Variants in BACH2 observed in about 807,000 individuals in gnomAD.
BACH2 encodes the protein transcription regulator protein BACH2.
BACH2 carries 5 observed loss-of-function variants against 61.8 expected under a neutral mutation model. The observed-to-expected ratio is 0.08, with a 90% CI of 0.04 to 0.17. The LOEUF (loss-of-function observed/expected upper bound fraction) is 0.17, where lower values mean the gene tolerates loss of function less well. BACH2 is among the 10% of genes least tolerant of loss of function. BACH2 has a pLI of 1.00. For synonymous variants in BACH2, 446 were observed against 440.1 expected, an observed-to-expected ratio of 1.01 and a Z score of -0.17; for missense variants, 824 against 1,091.1, an observed-to-expected ratio of 0.76 and a Z score of 3.45.
chr6:89,971,407 G>T (rs781366614), intron 6 of BACH2, among the ~76,000 whole-genome samples: 4 of 152,144 alleles, frequency 2.6e-5, no homozygotes, highest in Non-Finnish European at 4.4e-5. Context: ...ACTTTGCATG[G>T]TTCTATTGTG....
chr6:90,262,162 C>A (rs1479486752), intron 2 of BACH2, among the ~76,000 whole-genome samples: 1 of 152,320 alleles, frequency 6.6e-6, no homozygotes, highest in East Asian at 1.9e-4. Flanking sequence ...TCCTCCACTA[C>A]CTTCTCCATG....
chr6:90,094,861 T>TACACACAC (rs111697212), intron 4 of BACH2, among the ~76,000 whole-genome samples: 1,680 of 150,772 alleles, frequency 0.011, 25 homozygotes, highest in African/African-American at 0.038. Flanking sequence ...TCCACAACTA[T>TACACACAC]ACACACACAC....
At chr6:89,971,941 G>A (rs191234852) in intron 6 of BACH2, among the ~76,000 whole-genome samples, 99 of 152,308 alleles carry the variant, frequency 6.5e-4, no homozygotes, top group Non-Finnish European at 1.1e-3. Context: ...ATGTCACAGG[G>A]GAAGTACAGC....
intron 3 of BACH2, among the ~76,000 whole-genome samples, chr6:90,249,319 T>C (rs865987970): frequency 1.3e-5 from 2 of 152,174 alleles, no homozygotes; most frequent in Non-Finnish European, 2.9e-5. Flanking sequence ...ATGATGTAGC[T>C]TCCTGTCATC....
chr6:89,962,542 A>G (rs1297482807), intron 6 of BACH2, among the ~76,000 whole-genome samples: 7 of 152,164 alleles, frequency 4.6e-5, no homozygotes, highest in Non-Finnish European at 1.0e-4. Context: ...ATGTTCCCAT[A>G]GTTGTTCGTG....
intron 4 of BACH2, among the ~76,000 whole-genome samples, chr6:90,103,086 A>C (rs751778664): frequency 8.0e-6 from 1 of 124,494 alleles, no homozygotes; most frequent in Non-Finnish European, 1.6e-5. Context: ...TCAAAAACTG[A>C]TTTCTAGCCA....
intron 5 of BACH2, among the ~76,000 whole-genome samples, chr6:90,048,442 G>A (rs1030240289): frequency 2.6e-5 from 4 of 152,142 alleles, no homozygotes; most frequent in Admixed American, 6.5e-5. Context: ...GGTATTTCAC[G>A]CTTGTTTCAA....
intron 2 of BACH2, among the ~76,000 whole-genome samples, chr6:90,255,079 T>G (rs1345202485): frequency 1.3e-5 from 2 of 152,188 alleles, no homozygotes; most frequent in Admixed American, 1.3e-4. Context: ...CCCACATAAA[T>G]AATACAAATC....
intron 1 of BACH2, among the ~76,000 whole-genome samples, chr6:90,293,901 T>C (rs528611886): frequency 1.0e-3 from 156 of 152,192 alleles, no homozygotes; most frequent in Non-Finnish European, 2.0e-3. Context: ...CAGCCAGAGG[T>C]GAGCTACTGG....
chr6:90,261,405 T>A (rs1771153224), intron 2 of BACH2, among the ~76,000 whole-genome samples: 1 of 152,222 alleles, frequency 6.6e-6, no homozygotes, highest in Non-Finnish European at 1.5e-5. Context: ...TGACAACTCT[T>A]GCTCTCCTTC....
intron 6 of BACH2, chr6:90,001,254 A>G (rs1777119072): frequency 2.0e-5 from 3 of 152,292 alleles, no homozygotes; most frequent in Non-Finnish European, 4.4e-5. Flanking sequence ...CTGTGCTAAC[A>G]GATAAAACAC....
intron 5 of BACH2, among the ~76,000 whole-genome samples, chr6:90,053,481 T>A (rs189723602): frequency 6.6e-6 from 1 of 152,158 alleles, no homozygotes; most frequent in East Asian, 1.9e-4. Flanking sequence ...AGGGTCTCAC[T>A]GTATTGTGCA....
chr6:90,042,197 A>C (rs541437830), intron 5 of BACH2, among the ~76,000 whole-genome samples: 55 of 152,110 alleles, frequency 3.6e-4, no homozygotes, highest in South Asian at 6.2e-4. Context: ...AATTCTTTTT[A>C]TTTTTATTTT....
At chr6:89,991,642 G>A (rs1366586071) in intron 6 of BACH2, among the ~76,000 whole-genome samples, 2 of 151,694 alleles carry the variant, frequency 1.3e-5, no homozygotes. Flanking sequence ...AAGTAATGTT[G>A]ATACAATATT....
rs148851588 is a variant in BACH2, at chr6:90,037,147, GAC to G, written c.-12-28293_-12-28292del. Reference sequence around the variant, plus strand: ...ATTTAGATGCACAACCAAAAGGGAAGACACATACCACACCCTGCGGCTGTTAC... The same window carrying G: ...ATTTAGATGCACAACCAAAAGGGAAGACATACCACACCCTGCGGCTGTTAC... On this transcript the variant is annotated intron_variant, in intron 5 of 8. Coordinates refer to ENST00000257749, the MANE Select transcript of BACH2 (RefSeq NM_021813.4). 5.2e-3 allele frequency among the ~76,000 whole-genome samples: 792 copies of G among 152,262 alleles called. 49 individuals are homozygous for G. The East Asian group carries it at 0.14, about 27-fold the overall frequency.
intron 3 of BACH2, among the ~76,000 whole-genome samples, chr6:90,244,931 C>T (rs564331820): frequency 1.3e-5 from 2 of 152,056 alleles, no homozygotes; most frequent in Non-Finnish European, 2.9e-5. Context: ...TGGTGGCTCA[C>T]GCCTGTAATC....
chr6:90,267,111 C>T (rs1420714224), intron 2 of BACH2, among the ~76,000 whole-genome samples: 1 of 151,966 alleles, frequency 6.6e-6, no homozygotes, highest in Non-Finnish European at 1.5e-5. Context: ...AGACATCTCC[C>T]CCCCACCAAA....
At chr6:90,244,180 C>T (rs1770553273) in intron 3 of BACH2, among the ~76,000 whole-genome samples, 1 of 152,106 alleles carries the variant, frequency 6.6e-6, no homozygotes, top group Non-Finnish European at 1.5e-5. Context: ...CCTGGGCCTC[C>T]CAAAGTGCTG....
rs184154239 is a variant in BACH2 at position 90,098,547 on chromosome 6, G to T, written c.-161-9438C>A. On this transcript the variant is annotated intron_variant, in intron 4 of 8. Transcript: ENST00000257749. ...TTTTAAATATCTTCTTCCTGACATA[G>T]ATTCTTTAAAAACCTGAAGACTCTC... Among the ~76,000 whole-genome samples the T allele has an allele frequency of 1.1e-3, 163 of 152,232 alleles. 5 individuals carry two copies. The East Asian group carries it at 0.027, about 26-fold the overall frequency.
Sources: allele counts gnomAD v4.1 joint callset (sites outside exome capture counted in the v4.1 genomes callset), GRCh38; gene constraint gnomAD v4.1.1; transcripts MANE v1.5; gene names NCBI Gene and HGNC (gene_info 2026-07-23, HGNC 2026-07-21).